UBE2E2: variants seen among roughly 807,000 people sequenced by gnomAD.
UBE2E2 encodes ubiquitin-conjugating enzyme E2 E2.
A neutral mutation model predicts 24.7 loss-of-function variants in UBE2E2; 6 were observed. That is an observed-to-expected ratio of 0.24 (90% CI 0.13 to 0.48). UBE2E2 has a LOEUF of 0.48. UBE2E2 is among the 20% of genes least tolerant of loss of function. The probability of loss-of-function intolerance (pLI) is 0.99; values close to 1 mark genes in which losing one functional copy is unlikely to be tolerated. For missense variants in UBE2E2, 169 were observed against 245.0 expected, an observed-to-expected ratio of 0.69 and a Z score of 2.07; for synonymous variants, 104 against 83.6, an observed-to-expected ratio of 1.24 and a Z score of -1.33.
chr3:23,446,635 A>G (rs1369802509), intron 3 of UBE2E2, among the ~76,000 whole-genome samples: 3 of 151,128 alleles, frequency 2.0e-5, no homozygotes, highest in African/African-American at 7.3e-5. Flanking sequence ...CATATCTGGC[A>G]TGCCAGTTAC....
chr3:23,479,376 T>C (rs1231752513), intron 3 of UBE2E2, among the ~76,000 whole-genome samples: 3 of 152,132 alleles, frequency 2.0e-5, no homozygotes, highest in Non-Finnish European at 4.4e-5. Context: ...ATCTGAACAA[T>C]GCATCTGAAC....
At chr3:23,344,969 T>A (rs543022053) in intron 3 of UBE2E2, among the ~76,000 whole-genome samples, 1 of 152,306 alleles carries the variant, frequency 6.6e-6, no homozygotes, top group African/African-American at 2.4e-5. Flanking sequence ...TTATCCTCAA[T>A]TCCATTGTGG....
chr3:23,388,550 G>A (rs1696860023), intron 3 of UBE2E2, among the ~76,000 whole-genome samples: 1 of 152,040 alleles, frequency 6.6e-6, no homozygotes. Context: ...AATATATGTA[G>A]CATTTTTTCA....
chr3:23,290,466 T>C (rs1014670251), intron 3 of UBE2E2, among the ~76,000 whole-genome samples: 1 of 152,182 alleles, frequency 6.6e-6, no homozygotes, highest in Non-Finnish European at 1.5e-5. Flanking sequence ...CAATGTAGGT[T>C]TGAGGACCTC....
chr3:23,292,781 T>A lies in UBE2E2; in HGVS notation c.227+75469T>A, dbSNP rs568059659. On this transcript the variant is annotated intron_variant, in intron 3 of 5. Transcript: ENST00000396703. The stretch of plus-strand genomic sequence containing the variant: ...TGCCTCTTTTTGTTCGCAGTTAAAA[T>A]CAGGATAATTGGCTGGGCACAGTGG... 4.3e-4 allele frequency among the ~76,000 whole-genome samples: 65 copies of A among 152,262 alleles called. 1 individual carries two copies. The highest frequency in any genetic ancestry group is 1.6e-3 in the Admixed American group (25 of 15,306).
At chr3:23,535,500 C>G (rs532901305) in intron 5 of UBE2E2, among the ~76,000 whole-genome samples, 1 of 152,004 alleles carries the variant, frequency 6.6e-6, no homozygotes, top group African/African-American at 2.4e-5. Context: ...ATCAGCCAGT[C>G]GATGGGTGCA....
chr3:23,564,619 T>G (rs561230666), intron 5 of UBE2E2, among the ~76,000 whole-genome samples: 1 of 152,230 alleles, frequency 6.6e-6, no homozygotes, highest in Admixed American at 6.5e-5. Context: ...CCAAACATAA[T>G]TCTGTGGTTT....
chr3:23,332,715 G>A (rs1695096157), intron 3 of UBE2E2, among the ~76,000 whole-genome samples: 1 of 148,444 alleles, frequency 6.7e-6, no homozygotes, highest in Non-Finnish European at 1.5e-5. Context: ...GTGTGTGTGT[G>A]TGTGCAGCTA....
chr3:23,227,871 C>T (rs191823852), intron 3 of UBE2E2, among the ~76,000 whole-genome samples: 18 of 152,202 alleles, frequency 1.2e-4, no homozygotes. Context: ...CATTTCTGTA[C>T]TTCCTTTTAT....
intron 5 of UBE2E2, among the ~76,000 whole-genome samples, chr3:23,551,980 C>G (rs967138752): frequency 6.6e-6 from 1 of 152,130 alleles, no homozygotes; most frequent in Non-Finnish European, 1.5e-5. Context: ...AGGAGAGACA[C>G]CAGAGAACTC....
chr3:23,258,663 G>A (rs1697806124), intron 3 of UBE2E2, among the ~76,000 whole-genome samples: 1 of 152,124 alleles, frequency 6.6e-6, no homozygotes, highest in African/African-American at 2.4e-5. Flanking sequence ...GGAGGCCGAG[G>A]CGGGCAGATC....
At chr3:23,338,432 ATATGTG>A (rs1233964912) in intron 3 of UBE2E2, among the ~76,000 whole-genome samples, 1 of 152,182 alleles carries the variant, frequency 6.6e-6, no homozygotes, top group Non-Finnish European at 1.5e-5. Context: ...AAGGTTGCAT[ATATGTG>A]TATGTGTACA....
At chr3:23,460,758 A>T (rs1698791218) in intron 3 of UBE2E2, among the ~76,000 whole-genome samples, 1 of 152,154 alleles carries the variant, frequency 6.6e-6, no homozygotes, top group Non-Finnish European at 1.5e-5. Context: ...GAGGAATTGA[A>T]AGTGGTGAAG....
At chr3:23,304,995 A>G (rs1699202420) in intron 3 of UBE2E2, among the ~76,000 whole-genome samples, 1 of 152,164 alleles carries the variant, frequency 6.6e-6, no homozygotes, top group African/African-American at 2.4e-5. Flanking sequence ...CCACATGTTG[A>G]TACATTTCAT....
chr3:23,336,931 G>A (rs1695227462), intron 3 of UBE2E2, among the ~76,000 whole-genome samples: 1 of 152,052 alleles, frequency 6.6e-6, no homozygotes, highest in Non-Finnish European at 1.5e-5. Context: ...GTTCAGCTCA[G>A]GAGTTTGAGA....
intron 5 of UBE2E2, among the ~76,000 whole-genome samples, chr3:23,575,282 A>T (rs1696323003): frequency 6.6e-6 from 1 of 152,182 alleles, no homozygotes; most frequent in South Asian, 2.1e-4. Context: ...CCAAGTGATG[A>T]TGTTATGCTT....
chr3:23,396,430 C>T (rs1413197940), intron 3 of UBE2E2, among the ~76,000 whole-genome samples: 9 of 150,292 alleles, frequency 6.0e-5, no homozygotes, highest in South Asian at 2.1e-4. Flanking sequence ...ACACTGTATA[C>T]GTCGTATACA....
intron 3 of UBE2E2, among the ~76,000 whole-genome samples, chr3:23,367,989 T>C (rs1205677474): frequency 6.6e-6 from 1 of 152,156 alleles, no homozygotes; most frequent in Non-Finnish European, 1.5e-5. Context: ...GGAACTGTGG[T>C]TTTCCGTACA....
chr3:23,311,884 TC>T, intron 3 of UBE2E2, among the ~76,000 whole-genome samples: 1 of 152,282 alleles, frequency 6.6e-6, no homozygotes, highest in East Asian at 1.9e-4. Flanking sequence ...ACAGTTATAC[TC>T]CTTCATATGG....
Sources: gnomAD v4.1 joint callset for allele counts (sites outside exome capture counted in the v4.1 genomes callset) on GRCh38, gnomAD v4.1.1 for gene constraint, MANE v1.5 for transcripts, NCBI Gene and HGNC (gene_info 2026-07-23, HGNC 2026-07-21) for gene names.